GALNT13: variants seen among roughly 807,000 people sequenced by gnomAD.
GALNT13 encodes UDP-GalNAc:polypeptide N-acetylgalactosaminyltransferase 13.
In GALNT13, 28 loss-of-function variants were observed where a neutral mutation model predicts 64.2. The observed-to-expected ratio is 0.44, with a 90% CI of 0.32 to 0.60. The LOEUF (loss-of-function observed/expected upper bound fraction) is 0.60. Ranked by LOEUF, GALNT13 falls within the 20% of genes least tolerant of loss-of-function variation. The pLI is 0.05. For synonymous variants in GALNT13, 214 were observed against 224.6 expected (o/e 0.95, Z 0.42); for missense variants, 577 against 669.8 (o/e 0.86, Z 1.53).
the GALNT13 span, among the ~76,000 whole-genome samples, chr2:153,435,121 T>C: frequency 7.2e-5 from 11 of 152,332 alleles, no homozygotes; most frequent in African/African-American, 2.6e-4. Flanking sequence ...GTCAGGTTTG[T>C]CAAAGATCTT....
At chr2:154,124,372 A>AT (rs1682133928) in intron 3 of GALNT13, among the ~76,000 whole-genome samples, 1 of 152,058 alleles carries the variant, frequency 6.6e-6, no homozygotes, top group South Asian at 2.1e-4. Flanking sequence ...TTTATATTAA[A>AT]TTACTCTGAT....
rs79338329 is a variant in GALNT13, at chr2:153,939,276, G to A, written c.-104-5118G>A. Among the ~76,000 whole-genome samples, 1,142 of 152,226 alleles carry A rather than the reference G, an allele frequency of 7.5e-3. 7 individuals are homozygous for A. The highest frequency in any genetic ancestry group is 0.02 in the Middle Eastern group (6 of 294). ...ATGACTGGGCAGAGAAAGCACAATC[G>A]CACATGCCCTGAGGCAAGCTAGTAA... is the stretch of plus-strand genomic sequence containing the variant. On this transcript the variant is annotated intron_variant, in intron 2 of 12. Coordinates refer to ENST00000392825, the MANE Select transcript of GALNT13 (RefSeq NM_052917.4).
chr2:154,418,481 C>T (rs1700119836), intron 11 of GALNT13, among the ~76,000 whole-genome samples: 1 of 152,156 alleles, frequency 6.6e-6, no homozygotes, highest in South Asian at 2.1e-4. Flanking sequence ...GGTGATGTGA[C>T]CATAGTGGCA....
At chr2:154,019,700 G>GT (rs957331032) in intron 3 of GALNT13, among the ~76,000 whole-genome samples, 3 of 138,670 alleles carry the variant, frequency 2.2e-5, no homozygotes, top group South Asian at 2.4e-4. Context: ...TGTTTTTTTT[G>GT]TTTTTTTCAT....
At chr2:153,748,626 T>C in the GALNT13 span, among the ~76,000 whole-genome samples, 3 of 152,132 alleles carry the variant, frequency 2.0e-5, no homozygotes, top group East Asian at 5.8e-4. Context: ...GATTATTAGA[T>C]TTTTTTCTAT....
At chr2:153,128,185 T>C in the GALNT13 span, among the ~76,000 whole-genome samples, 1 of 152,200 alleles carries the variant, frequency 6.6e-6, no homozygotes, top group Non-Finnish European at 1.5e-5. Flanking sequence ...GGTAGTGTAT[T>C]AGTCCCTTTT....
At chr2:153,993,245 A>C (rs936239723) in intron 3 of GALNT13, among the ~76,000 whole-genome samples, 1 of 152,202 alleles carries the variant, frequency 6.6e-6, no homozygotes, top group Non-Finnish European at 1.5e-5. Flanking sequence ...GATATTTACT[A>C]TAAATTAAAT....
At chr2:153,447,239 G>A in the GALNT13 span, among the ~76,000 whole-genome samples, 1 of 152,186 alleles carries the variant, frequency 6.6e-6, no homozygotes, top group Admixed American at 6.5e-5. Context: ...TGTAATAATT[G>A]TAAATGTAGG....
At chr2:154,119,413 C>A (rs1281732050) in intron 3 of GALNT13, among the ~76,000 whole-genome samples, 3 of 152,236 alleles carry the variant, frequency 2.0e-5, no homozygotes, top group Admixed American at 1.3e-4. Flanking sequence ...GTAGTCCTCT[C>A]TGGGTTGAAT....
At chr2:153,403,513 G>A in the GALNT13 span, among the ~76,000 whole-genome samples, 1 of 152,296 alleles carries the variant, frequency 6.6e-6, no homozygotes, top group Non-Finnish European at 1.5e-5. Context: ...AAAGGCGGGC[G>A]CCCCTCCCCC....
the GALNT13 span, among the ~76,000 whole-genome samples, chr2:153,733,051 A>T: frequency 6.6e-6 from 1 of 152,116 alleles, no homozygotes; most frequent in Non-Finnish European, 1.5e-5. Flanking sequence ...CAACATGTAA[A>T]AATGTCAGAG....
At chr2:154,308,973 T>C (rs1306549138) in intron 9 of GALNT13, among the ~76,000 whole-genome samples, 1 of 152,160 alleles carries the variant, frequency 6.6e-6, no homozygotes, top group Admixed American at 6.5e-5. Flanking sequence ...GGGTTTTTAT[T>C]TGTATTTTTA....
chr2:154,100,465 C>G (rs1273823226), intron 3 of GALNT13, among the ~76,000 whole-genome samples: 1 of 151,992 alleles, frequency 6.6e-6, no homozygotes, highest in Non-Finnish European at 1.5e-5. Context: ...TTATTGTCAG[C>G]TATTGTAAAT....
chr2:153,258,762 T>C, the GALNT13 span, among the ~76,000 whole-genome samples: 1 of 152,234 alleles, frequency 6.6e-6, no homozygotes. Flanking sequence ...TGTGTTTGTA[T>C]AGTTTCCATA....
chr2:153,878,410 C>T (rs894391517), intron 1 of GALNT13, among the ~76,000 whole-genome samples: 6 of 152,104 alleles, frequency 3.9e-5, no homozygotes, highest in Non-Finnish European at 7.4e-5. Flanking sequence ...CAGCTCTGGC[C>T]GGCATGGTCA....
the GALNT13 span, among the ~76,000 whole-genome samples, chr2:153,714,035 A>C: frequency 1.4e-4 from 22 of 152,320 alleles, no homozygotes; most frequent in African/African-American, 5.1e-4. Flanking sequence ...CCCAGGGGCT[A>C]TGCTGAGGGC....
At chr2:154,092,053 G>T (rs910503851) in intron 3 of GALNT13, among the ~76,000 whole-genome samples, 1 of 138,600 alleles carries the variant, frequency 7.2e-6, no homozygotes, top group Non-Finnish European at 1.5e-5. Flanking sequence ...TGCCAGCAGA[G>T]GCATTTCATG....
At chr2:154,279,382 T>A (rs921768061) in intron 8 of GALNT13, among the ~76,000 whole-genome samples, 2 of 152,098 alleles carry the variant, frequency 1.3e-5, no homozygotes, top group South Asian at 4.1e-4. Context: ...CTAAGGATAT[T>A]TGAGACATTT....
the GALNT13 span, among the ~76,000 whole-genome samples, chr2:153,347,227 G>A: frequency 6.6e-6 from 1 of 152,194 alleles, no homozygotes. Flanking sequence ...GCAGAAGATA[G>A]CAGTGGTCAC....
Sources: gnomAD v4.1 joint callset for allele counts (sites outside exome capture counted in the v4.1 genomes callset) on GRCh38, gnomAD v4.1.1 for gene constraint, MANE v1.5 for transcripts, NCBI Gene and HGNC (gene_info 2026-07-23, HGNC 2026-07-21) for gene names.